NPEPPS: variants seen among roughly 807,000 people sequenced by gnomAD.
NPEPPS encodes the protein aminopeptidase puromycin sensitive.
Under a neutral mutation model 115.5 loss-of-function variants are expected in NPEPPS, and 14 were observed. The observed-to-expected ratio is 0.12, with a 90% CI of 0.08 to 0.19. NPEPPS has a LOEUF of 0.19. NPEPPS is among the 10% of genes least tolerant of loss of function. NPEPPS has a pLI of 1.00. For missense variants in NPEPPS, 523 were observed against 1,110.8 expected (o/e 0.47, Z 7.52); for synonymous variants, 285 against 390.6 (o/e 0.73, Z 3.19).
chr17:47,591,742 G>C (rs1912518362), intron 10 of NPEPPS: 2 of 441,990 alleles, frequency 4.5e-6, no homozygotes, highest in Non-Finnish European at 8.2e-6. Context: ...GCCAGGACTG[G>C]AACCCAGGCT....
chr17:47,622,424 G>A lies in NPEPPS; in HGVS notation c.*504G>A, dbSNP rs369565339. On this transcript the variant is annotated 3_prime_UTR_variant, in exon 23 of 23. Coordinates refer to ENST00000322157, the MANE Select transcript of NPEPPS (RefSeq NM_006310.4). Reference sequence around the variant, plus strand: ...TGGAGTCAGTGCATAATTCCAAGTGGCTTTTTTTTTTTTTGGCACGGGGAC... The same window carrying A: ...TGGAGTCAGTGCATAATTCCAAGTGACTTTTTTTTTTTTTGGCACGGGGAC... 1.2e-3 allele frequency: 184 copies of A among 157,420 alleles called. No homozygotes were observed. The highest frequency in any genetic ancestry group is 2.0e-3 in the Non-Finnish European group (158 of 77,130). 9.8% of individuals were successfully genotyped at this position (157,420 alleles called of 1,614,324 possible).
intron 1 of NPEPPS, among the ~76,000 whole-genome samples, chr17:47,536,114 C>T (rs1228705960): frequency 2.6e-5 from 4 of 152,032 alleles, no homozygotes; most frequent in East Asian, 1.9e-4. Flanking sequence ...GGATTACAGG[C>T]GTGAGCCACC....
At chr17:47,548,340 G>A (rs1335509845) in intron 2 of NPEPPS, 1 of 152,136 alleles carries the variant, frequency 6.6e-6, no homozygotes, top group Non-Finnish European at 1.5e-5. Context: ...AAATGAAAGA[G>A]TGATTATTTA....
intron 1 of NPEPPS, among the ~76,000 whole-genome samples, chr17:47,535,613 A>T (rs1908180238): frequency 1.3e-5 from 2 of 150,764 alleles, no homozygotes; most frequent in Middle Eastern, 6.9e-3. Flanking sequence ...GGTTTTGAAA[A>T]TTTGTTATTA....
At chr17:47,532,508 G>T (rs2644336) in intron 1 of NPEPPS, among the ~76,000 whole-genome samples, 2 of 151,850 alleles carry the variant, frequency 1.3e-5, no homozygotes, top group South Asian at 4.2e-4. Context: ...ACAAAAATTA[G>T]CGGGGCGTGG....
chr17:47,600,084 T>C (rs1913100295), intron 14 of NPEPPS, among the ~76,000 whole-genome samples: 1 of 152,070 alleles, frequency 6.6e-6, no homozygotes. Context: ...TCCCAAAGTG[T>C]TGGTATTACA....
At chr17:47,578,807 G>A (rs1911689784) in intron 3 of NPEPPS, among the ~76,000 whole-genome samples, 1 of 151,936 alleles carries the variant, frequency 6.6e-6, no homozygotes, top group African/African-American at 2.4e-5. Flanking sequence ...TAAACATTTA[G>A]TGTCTTATCT....
intron 15 of NPEPPS, among the ~76,000 whole-genome samples, chr17:47,602,272 C>CT (rs1197960788): frequency 4.6e-5 from 7 of 152,114 alleles, no homozygotes; most frequent in Non-Finnish European, 1.0e-4. Context: ...ACTACAGACT[C>CT]TTAATTGTAT....
intron 17 of NPEPPS, 105 bp from the exon 18 acceptor site, chr17:47,612,355 C>A: frequency 1.7e-6 from 2 of 1,160,908 alleles, no homozygotes; most frequent in Non-Finnish European, 2.4e-6. Flanking sequence ...TGTGTTTGTT[C>A]AAGACCATAG....
intron 4 of NPEPPS, 72 bp downstream of exon 4, chr17:47,579,583 G>A (rs1266494333): frequency 7.3e-6 from 11 of 1,504,920 alleles, no homozygotes; most frequent in Non-Finnish European, 9.8e-6. Context: ...GTTTTATTAT[G>A]TGGGGTGATT....
In NPEPPS at chr17:47,619,080, A is replaced by G. The variant is rs1441897701; in HGVS notation, c.2475A>G (p.Lys825=). 4 of 1,613,858 alleles carry G rather than the reference A, an allele frequency of 2.5e-6. No homozygotes were observed. Among genetic ancestry groups the G allele is most frequent in the Middle Eastern group, 1.6e-4 (1 of 6,062 alleles). ...GVAGGSKHGR[K]AAWKFIKDNW... ...CTGGAGGCAGCAAGCATGGTAGGAA[A>G]GCTGCTTGGAAATTCATAAAGGACA... Residue 825 remains lysine, a synonymous_variant, in exon 21 of 23, where the codon AAA becomes AAG. Transcript: ENST00000322157.
At chr17:47,619,913 C>T (rs1914438187) in intron 22 of NPEPPS, 129 bp downstream of exon 22, 3 of 789,832 alleles carry the variant, frequency 3.8e-6, no homozygotes, top group Non-Finnish European at 6.5e-6. Context: ...AGACATCATG[C>T]AGGGCTGTAT....
chr17:47,559,396 GTTTTC>G (rs1910280858), intron 2 of NPEPPS, among the ~76,000 whole-genome samples: 1 of 151,698 alleles, frequency 6.6e-6, no homozygotes, highest in African/African-American at 2.4e-5. Flanking sequence ...AAATTTGCTT[GTTTTC>G]TTTGTTTTGC....
intron 2 of NPEPPS, among the ~76,000 whole-genome samples, chr17:47,553,389 A>G (rs1909784304): frequency 6.6e-6 from 1 of 151,702 alleles, no homozygotes; most frequent in Non-Finnish European, 1.5e-5. Flanking sequence ...AAAAAGATCC[A>G]GTAATTATGA....
intron 13 of NPEPPS, among the ~76,000 whole-genome samples, chr17:47,598,523 A>G (rs997657225): frequency 6.6e-6 from 1 of 152,168 alleles, no homozygotes; most frequent in African/African-American, 2.4e-5. Flanking sequence ...TTGTAATCCC[A>G]GCACTTTGGG....
chr17:47,536,086 C>T (rs1343628699), intron 1 of NPEPPS, among the ~76,000 whole-genome samples: 2 of 152,062 alleles, frequency 1.3e-5, no homozygotes, highest in East Asian at 1.9e-4. Context: ...CCATCTTCCT[C>T]GGCCTCCCAA....
intron 1 of NPEPPS, among the ~76,000 whole-genome samples, chr17:47,540,466 C>T (rs1423757355): frequency 6.6e-6 from 1 of 152,188 alleles, no homozygotes; most frequent in African/African-American, 2.4e-5. Context: ...TCATGTACTA[C>T]ACCATCAGGT....
chr17:47,621,359 T>G (rs1597903751), intron 22 of NPEPPS, among the ~76,000 whole-genome samples: 1 of 152,176 alleles, frequency 6.6e-6, no homozygotes, highest in East Asian at 1.9e-4. Context: ...GGATTGTCTC[T>G]TTAATCTTCT....
At chr17:47,546,174 C>T (rs755147120) in intron 2 of NPEPPS, among the ~76,000 whole-genome samples, 181 bp downstream of exon 2, 3 of 151,960 alleles carry the variant, frequency 2.0e-5, no homozygotes, top group Admixed American at 6.6e-5. Context: ...CGCCTGTAAT[C>T]GCAGCACTTT....
Sources: gnomAD v4.1 joint callset for allele counts (sites outside exome capture counted in the v4.1 genomes callset) on GRCh38, gnomAD v4.1.1 for gene constraint, MANE v1.5 for transcripts, NCBI Gene and HGNC (gene_info 2026-07-23, HGNC 2026-07-21) for gene names.